GSE1: variants seen among roughly 807,000 people sequenced by gnomAD.
GSE1 encodes genetic suppressor element 1.
GSE1 carries 32 observed loss-of-function variants against 112.6 expected under a neutral mutation model. The observed-to-expected ratio is 0.28, with a 90% CI of 0.21 to 0.38. The LOEUF (loss-of-function observed/expected upper bound fraction) is 0.38. GSE1 is among the 10% of genes least tolerant of loss of function. GSE1 has a pLI of 1.00. For synonymous variants in GSE1, 1,115 were observed against 735.6 expected (o/e 1.52, Z -8.35); for missense variants, 2,348 against 1,699.2 (o/e 1.38, Z -6.71).
intron 1 of GSE1, among the ~76,000 whole-genome samples, chr16:85,314,076 C>T (rs1325724438): frequency 6.6e-6 from 1 of 151,134 alleles, no homozygotes; most frequent in African/African-American, 2.4e-5. Flanking sequence ...TAAGACATAG[C>T]CATTTGTATG....
In GSE1 at chr16:85,675,295, C is replaced by G. The variant is rs903704183; in HGVS notation, c.*2756C>G. 1 of 152,198 alleles carries G rather than the reference C, an allele frequency of 6.6e-6. No individual in the cohort carries two copies. Among genetic ancestry groups the G allele is most frequent in the African/African-American group, 2.4e-5 (1 of 41,446 alleles). The allele number at this position is 152,198 out of a possible 1,614,324, so 9.4% of individuals were successfully genotyped here. On this transcript the variant is annotated 3_prime_UTR_variant, in exon 16 of 16. Transcript: ENST00000253458. ...TCTTCCTACATTACCTGGAAGGGAGCTGCCATCTGTCCCTCTGCAGAGGGA... is the reference window on the plus strand; with the variant it reads ...TCTTCCTACATTACCTGGAAGGGAGGTGCCATCTGTCCCTCTGCAGAGGGA...
At position 85,423,078 on chromosome 16, in the gene GSE1, C is replaced by T. The variant is rs141201154; in HGVS notation, c.2464+65435C>T. Reference sequence around the variant, plus strand: ...GTGAGGCTGGCCCCAGGCACTGCCTCGCAAGCACTGAAGTGGAGCAGAGTC... The same window carrying T: ...GTGAGGCTGGCCCCAGGCACTGCCTTGCAAGCACTGAAGTGGAGCAGAGTC... On this transcript the variant is annotated intron_variant, in intron 2 of 2. Coordinates refer to the GSE1 transcript ENST00000637419. Among the ~76,000 whole-genome samples, 452 of 152,360 alleles carry T rather than the reference C, an allele frequency of 3.0e-3. 4 individuals are homozygous for T. The highest frequency in any genetic ancestry group is 0.01 in the African/African-American group (429 of 41,580).
chr16:85,318,939 G>A (rs1261940908), intron 1 of GSE1, among the ~76,000 whole-genome samples: 1 of 152,242 alleles, frequency 6.6e-6, no homozygotes, highest in East Asian at 1.9e-4. Flanking sequence ...CAGTGTTTAA[G>A]GCGGAGTCCT....
chr16:85,537,610 C>A (rs1037767892), intron 2 of GSE1, among the ~76,000 whole-genome samples: 2 of 152,226 alleles, frequency 1.3e-5, no homozygotes, highest in African/African-American at 2.4e-5. Flanking sequence ...AGGCCACAGT[C>A]CCCATGTGGA....
At chr16:85,482,427 C>T (rs1452608290) in intron 2 of GSE1, among the ~76,000 whole-genome samples, 3 of 152,186 alleles carry the variant, frequency 2.0e-5, no homozygotes, top group Non-Finnish European at 2.9e-5. Context: ...TGGATTCAGA[C>T]CCCCAGCCCA....
intron 2 of GSE1, among the ~76,000 whole-genome samples, chr16:85,360,933 G>A (rs964554465): frequency 1.3e-5 from 2 of 151,684 alleles, no homozygotes; most frequent in South Asian, 2.1e-4. Flanking sequence ...ACAGGGCCAC[G>A]TGCAGACAGA....
At chr16:85,196,259 G>A (rs753572670) in intron 1 of GSE1, among the ~76,000 whole-genome samples, 2 of 152,170 alleles carry the variant, frequency 1.3e-5, no homozygotes, top group South Asian at 2.1e-4. Flanking sequence ...ATGTGCATGG[G>A]ATAATCTCAG....
intron 1 of GSE1, among the ~76,000 whole-genome samples, chr16:85,312,940 A>T (rs1422171795): frequency 6.6e-6 from 1 of 152,076 alleles, no homozygotes; most frequent in African/African-American, 2.4e-5. Context: ...GGAAGTGCTG[A>T]GGCCAAGGGG....
At chr16:85,362,081 C>G (rs1368037365) in intron 2 of GSE1, among the ~76,000 whole-genome samples, 1 of 152,128 alleles carries the variant, frequency 6.6e-6, no homozygotes, top group Non-Finnish European at 1.5e-5. Flanking sequence ...GGGCTGGGGA[C>G]TCTGCCCTCC....
intron 2 of GSE1, among the ~76,000 whole-genome samples, chr16:85,540,787 G>A (rs2151206014): frequency 6.6e-6 from 1 of 152,194 alleles, no homozygotes; most frequent in African/African-American, 2.4e-5. Context: ...TGGGCCTGTA[G>A]TCCTTGATAC....
chr16:85,669,422 CTCAG>C (rs1209759107), intron 14 of GSE1, among the ~76,000 whole-genome samples: 2 of 152,184 alleles, frequency 1.3e-5, no homozygotes, highest in Non-Finnish European at 2.9e-5. Flanking sequence ...CCTGGTAGAA[CTCAG>C]TCAGGAAAAG....
At chr16:85,199,980 C>T (rs948277357) in intron 1 of GSE1, among the ~76,000 whole-genome samples, 1 of 152,152 alleles carries the variant, frequency 6.6e-6, no homozygotes, top group Non-Finnish European at 1.5e-5. Context: ...ACGCAGCCAC[C>T]AGCCCCTGCC....
At position 85,419,471 on chromosome 16, in the gene GSE1, T is replaced by G. The variant is rs903028236; in HGVS notation, c.2464+61828T>G. Among the ~76,000 whole-genome samples, 4 of 151,784 alleles carry G rather than the reference T, an allele frequency of 2.6e-5. No individual in the cohort carries two copies. Among genetic ancestry groups the G allele is most frequent in the Admixed American group, 6.6e-5 (1 of 15,246 alleles). On this transcript the variant is annotated intron_variant, in intron 2 of 2. Coordinates refer to the GSE1 transcript ENST00000637419. The surrounding 1 kb of genome is among the most constrained non-coding windows in gnomAD (Gnocchi z 6.5). Reference sequence around the variant, plus strand: ...ACGAACAAAAGTTAGCCAGGCGTGGTGGTGCACATCTGTGGTCCTAGCTAC... The same window carrying G: ...ACGAACAAAAGTTAGCCAGGCGTGGGGGTGCACATCTGTGGTCCTAGCTAC...
At position 85,419,751 on chromosome 16, in the gene GSE1, C is replaced by G. The variant is rs1004364604; in HGVS notation, c.2464+62108C>G. ...TCTCTAAAAACCCCTCTGATGCCTG[C>G]CTCCCCCGCCCCGCCCCCACCCCTC... is the stretch of plus-strand genomic sequence containing the variant. On this transcript the variant is annotated intron_variant, in intron 2 of 2. Transcript: ENST00000637419. The surrounding 1 kb of genome is among the most constrained non-coding windows in gnomAD (Gnocchi z 6.5). 1.1e-4 allele frequency among the ~76,000 whole-genome samples: 17 copies of G among 152,170 alleles called. No individual in the cohort carries two copies. Among genetic ancestry groups the G allele is most frequent in the Admixed American group, 9.8e-4 (15 of 15,290 alleles).
chr16:85,268,491 G>T (rs1489389788), intron 1 of GSE1, among the ~76,000 whole-genome samples: 1 of 152,174 alleles, frequency 6.6e-6, no homozygotes, highest in Non-Finnish European at 1.5e-5. Context: ...TGAGTGGGGA[G>T]GGGGGTTGCC....
intron 1 of GSE1, among the ~76,000 whole-genome samples, chr16:85,172,194 A>G (rs1403623075): frequency 1.3e-5 from 2 of 152,204 alleles, no homozygotes; most frequent in African/African-American, 2.4e-5. Context: ...TGCGGGTCAC[A>G]GAGAGGTCTC....
intron 1 of GSE1, among the ~76,000 whole-genome samples, chr16:85,256,733 T>C (rs1014112916): frequency 6.6e-6 from 1 of 152,338 alleles, no homozygotes; most frequent in Non-Finnish European, 1.5e-5. Flanking sequence ...AGCCCTGGGG[T>C]CTCGTCCCTC....
chr16:85,284,436 C>A (rs2044954160), intron 1 of GSE1, among the ~76,000 whole-genome samples: 1 of 152,202 alleles, frequency 6.6e-6, no homozygotes, highest in African/African-American at 2.4e-5. Flanking sequence ...TGCCTCCCTG[C>A]CCTGCGCTCA....
chr16:85,188,397 C>T (rs1487647241), intron 1 of GSE1, among the ~76,000 whole-genome samples: 1 of 152,144 alleles, frequency 6.6e-6, no homozygotes, highest in South Asian at 2.1e-4. Flanking sequence ...TTATTATTTC[C>T]CTTCTGTTCC....
Sources: allele counts gnomAD v4.1 joint callset (sites outside exome capture counted in the v4.1 genomes callset), GRCh38; gene constraint gnomAD v4.1.1; non-coding constraint Gnocchi (gnomAD v3.1); transcripts MANE v1.5; gene names NCBI Gene and HGNC (gene_info 2026-07-23, HGNC 2026-07-21).